Variants in ST6GAL2 observed in about 807,000 individuals in gnomAD.
The protein encoded by ST6GAL2 is beta-galactoside alpha-2,6-sialyltransferase 2.
In ST6GAL2, 24 loss-of-function variants were observed where a neutral mutation model predicts 37.5. The ratio of observed to expected loss-of-function variants is 0.64; its 90% confidence interval spans 0.46 to 0.90. The LOEUF is 0.90. Ranked by LOEUF, ST6GAL2 falls within the 40% of genes least tolerant of loss-of-function variation. The pLI, the probability that ST6GAL2 is intolerant of heterozygous loss-of-function variation, is 0.00. For synonymous variants in ST6GAL2, 306 were observed against 295.1 expected (o/e 1.04, Z -0.38); for missense variants, 715 against 712.7 (o/e 1.00, Z -0.04).
chr2:106,867,452 A>C (rs2104603224), intron 1 of ST6GAL2, among the ~76,000 whole-genome samples: 1 of 152,258 alleles, frequency 6.6e-6, no homozygotes, highest in South Asian at 2.1e-4. Flanking sequence ...TTCATTGAAC[A>C]AGTATTCACT....
chr2:106,827,455 C>T (rs1676251437), intron 5 of ST6GAL2, among the ~76,000 whole-genome samples: 2 of 152,114 alleles, frequency 1.3e-5, no homozygotes, highest in South Asian at 4.2e-4. Context: ...TTCTCACATG[C>T]TTCACCATGA....
Position 106,843,650 on chromosome 2 carries a change from C to T in ST6GAL2, c.328G>A (p.Glu110Lys), listed in dbSNP as rs200701778. 1.2e-6 allele frequency: 2 copies of T among 1,613,556 alleles called. No homozygotes were observed. ...CTCCCCACCTGGGATGAAAAAAACT[C>T]TTTATGTTCAAACCCATCTTGGGAC... ...AQSQDGFEHK[E>K]FFSSQVGRKS... The change falls in exon 2 of 6, where the codon GAG (glutamate) becomes AAG (lysine). Residue 110 changes from glutamate to lysine, a missense_variant. Glu to Lys is a moderately conservative substitution (Grantham distance 56, BLOSUM62 1). This residue lies in a region of ST6GAL2 where 512 missense variants were observed against 488.8 expected (regional missense o/e 1.05). Coordinates refer to ENST00000409382, the MANE Select transcript of ST6GAL2 (RefSeq NM_001142351.2).
At chr2:106,886,900 G>T (rs1034812), upstream of ST6GAL2, 1 of 152,360 alleles carries the variant, frequency 6.6e-6, no homozygotes, top group South Asian at 2.1e-4. Flanking sequence ...GCGGTGCGGG[G>T]CAGCACGGCT....
intron 1 of ST6GAL2, among the ~76,000 whole-genome samples, chr2:106,881,273 C>A (rs997181824): frequency 1.3e-5 from 2 of 152,166 alleles, no homozygotes; most frequent in African/African-American, 4.8e-5. Flanking sequence ...ATAGGCACTG[C>A]ACCAGGCCCA....
chr2:106,806,771 C>A lies in ST6GAL2; in HGVS notation c.1497G>T (p.Thr499=). ...KLLVQRLNMG[T]QGDLHRKGKV... is the part of the protein sequence containing the mutation. The stretch of plus-strand genomic sequence containing the variant: ...TGCCCTTGCGATGCAAATCCCCCTG[C>A]GTGCCCATGTTCAGGCGCTGCACCA... The change falls in exon 6 of 6, where the codon ACG becomes ACT. Residue 499 remains threonine, a synonymous_variant. Coordinates refer to ENST00000409382, the MANE Select transcript of ST6GAL2 (RefSeq NM_001142351.2). The A allele has an allele frequency of 6.2e-7, 1 of 1,614,204 alleles. No individual in the cohort carries two copies. Among genetic ancestry groups the A allele is most frequent in the Non-Finnish European group, 8.5e-7 (1 of 1,180,038 alleles).
chr2:106,857,329 A>G (rs1677615458), intron 1 of ST6GAL2, among the ~76,000 whole-genome samples: 1 of 152,128 alleles, frequency 6.6e-6, no homozygotes. Flanking sequence ...ACGGCCAGGC[A>G]CCGTGGCTCA....
intron 5 of ST6GAL2, among the ~76,000 whole-genome samples, chr2:106,817,148 G>A (rs1675833335): frequency 1.3e-5 from 2 of 152,230 alleles, no homozygotes; most frequent in African/African-American, 4.8e-5. Flanking sequence ...TAGGCCACAA[G>A]GACTTCCATT....
intron 2 of ST6GAL2, among the ~76,000 whole-genome samples, chr2:106,841,627 C>A (rs549997035): frequency 6.6e-6 from 1 of 152,240 alleles, no homozygotes; most frequent in East Asian, 1.9e-4. Flanking sequence ...TCTGAAACTG[C>A]TGAGGGAGAG....
intron 5 of ST6GAL2, among the ~76,000 whole-genome samples, chr2:106,826,436 A>C (rs1346281323): frequency 6.6e-6 from 1 of 151,256 alleles, no homozygotes; most frequent in East Asian, 2.0e-4. Flanking sequence ...GCTACTTGGG[A>C]GGCTGAGGCA....
intron 1 of ST6GAL2, among the ~76,000 whole-genome samples, chr2:106,884,936 CAT>C (rs1491509971): frequency 1.8e-4 from 17 of 95,958 alleles, no homozygotes; most frequent in African/African-American, 7.2e-4. Flanking sequence ...TATATATATA[CAT>C]ACACACACAC....
chr2:106,865,161 A>C (rs1677971167), intron 1 of ST6GAL2, among the ~76,000 whole-genome samples: 1 of 152,214 alleles, frequency 6.6e-6, no homozygotes, highest in South Asian at 2.1e-4. Context: ...GAAATAAAAG[A>C]ATCAGAAAGT....
At chr2:106,883,467 A>T (rs899649950) in intron 1 of ST6GAL2, among the ~76,000 whole-genome samples, 2 of 152,244 alleles carry the variant, frequency 1.3e-5, no homozygotes, top group African/African-American at 4.8e-5. Flanking sequence ...GTGTAAGAAC[A>T]TTGAAAATTT....
intron 5 of ST6GAL2, among the ~76,000 whole-genome samples, chr2:106,827,669 T>C (rs1011721477): frequency 3.3e-5 from 5 of 152,144 alleles, no homozygotes; most frequent in South Asian, 2.1e-4. Context: ...TCTGGGACAA[T>C]GGAATTGTTC....
chr2:106,884,185 C>T (rs1423123920), intron 1 of ST6GAL2, among the ~76,000 whole-genome samples: 3 of 152,158 alleles, frequency 2.0e-5, no homozygotes, highest in Non-Finnish European at 4.4e-5. Context: ...AGTCCCTTCG[C>T]TATTTAATCT....
intron 1 of ST6GAL2, among the ~76,000 whole-genome samples, chr2:106,872,690 C>CCTCCGCT (rs1678324216): frequency 3.5e-4 from 1 of 2,850 alleles, no homozygotes; most frequent in Non-Finnish European, 1.3e-3. Flanking sequence ...GCTCACTGCA[C>CCTCCGCT]TCCCGGGTTC....
At chr2:106,839,492 G>T (rs960843528) in intron 2 of ST6GAL2, among the ~76,000 whole-genome samples, 3 of 152,132 alleles carry the variant, frequency 2.0e-5, no homozygotes, top group Non-Finnish European at 4.4e-5. Flanking sequence ...ATTCATTTTT[G>T]TGTCTAGCCT....
At chr2:106,813,533 TATAG>T (rs1675689558) in intron 5 of ST6GAL2, among the ~76,000 whole-genome samples, 1 of 152,198 alleles carries the variant, frequency 6.6e-6, no homozygotes, top group Non-Finnish European at 1.5e-5. Flanking sequence ...AATTGGCATA[TATAG>T]ATATATTTGA....
chr2:106,806,772 G>C lies in ST6GAL2; in HGVS notation c.1496C>G (p.Thr499Arg). Residue 499 changes from threonine (T) to arginine (R), a missense_variant, in exon 6 of 6, where the codon ACG (threonine) becomes AGG (arginine). Physicochemically the swap from Thr to Arg is moderately conservative, Grantham distance 71. Coordinates refer to ENST00000409382, the MANE Select transcript of ST6GAL2 (RefSeq NM_001142351.2). ...KLLVQRLNMG[T>R]QGDLHRKGKV... ...GCCCTTGCGATGCAAATCCCCCTGCGTGCCCATGTTCAGGCGCTGCACCAG... is the reference window on the plus strand; with the variant it reads ...GCCCTTGCGATGCAAATCCCCCTGCCTGCCCATGTTCAGGCGCTGCACCAG... 1 of 1,614,172 alleles carries C rather than the reference G, an allele frequency of 6.2e-7. No homozygotes were observed. Among genetic ancestry groups the C allele is most frequent in the East Asian group, 2.2e-5 (1 of 44,864 alleles).
chr2:106,855,875 G>C (rs147384712), intron 1 of ST6GAL2, among the ~76,000 whole-genome samples: 1 of 151,800 alleles, frequency 6.6e-6, no homozygotes, highest in African/African-American at 2.4e-5. Context: ...CATTTTACAC[G>C]GAACTCCAGA....
Sources: gnomAD v4.1 joint callset for allele counts (sites outside exome capture counted in the v4.1 genomes callset) on GRCh38, gnomAD v4.1.1 for gene constraint, gnomAD v4.1.1 regional missense constraint, MANE v1.5 for transcripts, NCBI Gene and HGNC (gene_info 2026-07-23, HGNC 2026-07-21) for gene names.